Variants in SEC14L5 observed in about 807,000 individuals in gnomAD.
The protein encoded by SEC14L5 is SEC14-like protein 5.
Under a neutral mutation model 84.6 loss-of-function variants are expected in SEC14L5, and 96 were observed. The ratio of observed to expected loss-of-function variants is 1.13; its 90% CI spans 0.96 to 1.34. The LOEUF (loss-of-function observed/expected upper bound fraction) is 1.34. Ranked by LOEUF, SEC14L5 falls within the 40% of genes most tolerant of loss-of-function variation. The probability of loss-of-function intolerance (pLI) is 0.00; values close to 1 mark genes in which losing one functional copy is unlikely to be tolerated. For missense variants in SEC14L5, 1,224 were observed against 942.5 expected, an observed-to-expected ratio of 1.30 and a Z score of -3.91; for synonymous variants, 546 against 383.4, an observed-to-expected ratio of 1.42 and a Z score of -4.95.
In SEC14L5 at chr16:5,017,646, C is replaced by T. The variant is rs1322221662; in HGVS notation, c.*2676C>T. ...ACTAGGGTCCCGTGATTGACATTCC[C>T]TGCAGAAGCCGCAGCAGGATTGGGG... On this transcript the variant is annotated 3_prime_UTR_variant, in exon 16 of 16. Transcript: ENST00000251170. 2 of 152,228 alleles carry T rather than the reference C, an allele frequency of 1.3e-5. No individual in the cohort carries two copies. The highest frequency in any genetic ancestry group is 2.4e-5 in the African/African-American group (1 of 41,450). The allele number at this position is 152,228 out of a possible 1,614,324, so 9.4% of individuals were successfully genotyped here.
intron 2 of SEC14L5, among the ~76,000 whole-genome samples, chr16:4,974,330 T>C (rs1023302559): frequency 6.6e-6 from 1 of 151,934 alleles, no homozygotes; most frequent in Non-Finnish European, 1.5e-5. Context: ...GCCTCCCGAG[T>C]AGCTGGGACC....
At chr16:4,971,754 T>G (rs77167519) in intron 2 of SEC14L5, among the ~76,000 whole-genome samples, 3 of 152,160 alleles carry the variant, frequency 2.0e-5, no homozygotes, top group African/African-American at 7.2e-5. Flanking sequence ...CCCAGGGATA[T>G]ATAGAAAGAT....
At chr16:5,002,376 A>G (rs1453587531) in intron 10 of SEC14L5, among the ~76,000 whole-genome samples, 2 of 145,910 alleles carry the variant, frequency 1.4e-5, no homozygotes, top group Non-Finnish European at 3.0e-5. Flanking sequence ...GGCTCACTCC[A>G]ACCTCCACCT....
chr16:4,991,990 T>G lies in SEC14L5; in HGVS notation c.627T>G (p.Arg209=), dbSNP rs373345210. ...DPSSLEAHGP[R]STLGPALEAV... is the part of the protein sequence containing the mutation. ...GCTCCCTGGAGGCCCACGGGCCCCG[T>G]AGCACCCTGGGGCCCGCTCTGGAGG... The change falls in exon 6 of 16, where the codon CGT becomes CGG. Residue 209 remains arginine (R), a synonymous_variant. Coordinates refer to ENST00000251170, the MANE Select transcript of SEC14L5 (RefSeq NM_014692.2). 8.5e-5 allele frequency: 135 copies of G among 1,584,340 alleles called. No individual in the cohort carries two copies. In the African/African-American group the frequency reaches 1.7e-3, roughly 20 times the overall value.
At chr16:5,001,198 C>T (rs968965208) in intron 10 of SEC14L5, among the ~76,000 whole-genome samples, 1 of 150,702 alleles carries the variant, frequency 6.6e-6, no homozygotes. Context: ...TGTCTGGCTT[C>T]TAGCTCGAAG....
At chr16:4,979,521 G>C (rs1314128595) in intron 2 of SEC14L5, among the ~76,000 whole-genome samples, 1 of 152,146 alleles carries the variant, frequency 6.6e-6, no homozygotes, top group East Asian at 1.9e-4. Context: ...GTTAGGCTTG[G>C]GCAGCTGAAA....
chr16:5,005,685 C>T (rs1955722527), intron 11 of SEC14L5, among the ~76,000 whole-genome samples: 1 of 151,242 alleles, frequency 6.6e-6, no homozygotes, highest in East Asian at 2.0e-4. Flanking sequence ...CATGGTGAAA[C>T]CCCGTCTGTA....
At chr16:5,003,713 G>C (rs1955702131) in intron 11 of SEC14L5, 140 bp downstream of exon 11, 2 of 619,694 alleles carry the variant, frequency 3.2e-6, no homozygotes, top group African/African-American at 1.8e-5. Flanking sequence ...ATAGCATAAA[G>C]CTCACACTTT....
At chr16:4,984,053 C>T (rs192166528) in intron 2 of SEC14L5, among the ~76,000 whole-genome samples, 92 of 152,230 alleles carry the variant, frequency 6.0e-4, no homozygotes, top group Non-Finnish European at 1.0e-3. Flanking sequence ...CATTCATTTA[C>T]AGCACATAAT....
At position 4,991,992 on chromosome 16, in the gene SEC14L5, G is replaced by A. The variant is rs759214147; in HGVS notation, c.629G>A (p.Ser210Asn). 5.7e-6 allele frequency: 9 copies of A among 1,582,590 alleles called. No individual in the cohort carries two copies. The highest frequency in any genetic ancestry group is 7.7e-6 in the Non-Finnish European group (9 of 1,169,974). The change falls in exon 6 of 16, where the codon AGC (serine) becomes AAC (asparagine). Residue 210 changes from serine (S) to asparagine (N), a missense_variant. Transcript: ENST00000251170. ...TCCCTGGAGGCCCACGGGCCCCGTA[G>A]CACCCTGGGGCCCGCTCTGGAGGCG... Reference protein sequence around the residue: ...PSSLEAHGPRSTLGPALEAVS... With the variant: ...PSSLEAHGPRNTLGPALEAVS...
chr16:5,003,371 C>G, intron 10 of SEC14L5, 31 bp from the exon 11 acceptor site: 1 of 1,592,978 alleles, frequency 6.3e-7, no homozygotes, highest in South Asian at 1.1e-5. Context: ...GGCAGCAGAG[C>G]CAGGTGGAGC....
At chr16:4,989,471 C>T (rs1041928962) in intron 4 of SEC14L5, among the ~76,000 whole-genome samples, 5 of 152,056 alleles carry the variant, frequency 3.3e-5, no homozygotes, top group African/African-American at 4.8e-5. Flanking sequence ...CTCAGATTCC[C>T]GTGTAGGTGG....
intron 2 of SEC14L5, among the ~76,000 whole-genome samples, chr16:4,977,461 A>AGG (rs1955358254): frequency 7.6e-5 from 2 of 26,232 alleles, no homozygotes; most frequent in African/African-American, 1.1e-4. Flanking sequence ...AAAAAAAAAA[A>AGG]AAAAAAAAGG....
rs1955873350 is a variant in SEC14L5, at chr16:5,016,170, C to A, written c.*1200C>A. On this transcript the variant is annotated 3_prime_UTR_variant, in exon 16 of 16. Coordinates refer to ENST00000251170, the MANE Select transcript of SEC14L5 (RefSeq NM_014692.2). Reference sequence around the variant, plus strand: ...CGCGAGTGGAGGCTGCTGTGTTTGCCCTGGGGCAGATATGACTCTGGAACT... The same window carrying A: ...CGCGAGTGGAGGCTGCTGTGTTTGCACTGGGGCAGATATGACTCTGGAACT... 2 of 152,148 alleles carry A rather than the reference C, an allele frequency of 1.3e-5. No individual in the cohort carries two copies. Among genetic ancestry groups the A allele is most frequent in the Non-Finnish European group, 2.9e-5 (2 of 68,044 alleles). 9.4% of individuals were successfully genotyped at this position (152,148 alleles called of 1,614,324 possible). A position where few individuals can be genotyped will look rare whatever the true frequency, so the allele number is the denominator to read the frequency against.
At chr16:4,958,967 T>C (rs1270199023) in intron 1 of SEC14L5, among the ~76,000 whole-genome samples, 2 of 149,924 alleles carry the variant, frequency 1.3e-5, no homozygotes, top group Non-Finnish European at 3.0e-5. Flanking sequence ...GAATTGCAAA[T>C]GTGTGTGTGT....
intron 4 of SEC14L5, among the ~76,000 whole-genome samples, 171 bp from the exon 5 acceptor site, chr16:4,990,596 A>G (rs994946022): frequency 1.3e-5 from 2 of 152,124 alleles, no homozygotes; most frequent in East Asian, 3.9e-4. Context: ...TGAACTTTGC[A>G]TCGTTCTCTG....
At chr16:4,969,187 C>A (rs1337352282) in intron 2 of SEC14L5, among the ~76,000 whole-genome samples, 1 of 152,254 alleles carries the variant, frequency 6.6e-6, no homozygotes, top group African/African-American at 2.4e-5. Context: ...TAGTTGTCTT[C>A]TGATTTCCGA....
chr16:4,985,512 G>C (rs1186137403), intron 2 of SEC14L5, among the ~76,000 whole-genome samples: 2 of 152,206 alleles, frequency 1.3e-5, no homozygotes, highest in Non-Finnish European at 2.9e-5. Flanking sequence ...AGAAGCGTGA[G>C]CCACCGCGCC....
chr16:4,976,910 G>A (rs564510529), intron 2 of SEC14L5, among the ~76,000 whole-genome samples: 62 of 152,304 alleles, frequency 4.1e-4, no homozygotes, highest in African/African-American at 1.5e-3. Context: ...ACAGGAGCCG[G>A]CAGCTGAGGC....
Sources: gnomAD v4.1 joint callset for allele counts (sites outside exome capture counted in the v4.1 genomes callset) on GRCh38, gnomAD v4.1.1 for gene constraint, MANE v1.5 for transcripts, NCBI Gene and HGNC (gene_info 2026-07-23, HGNC 2026-07-21) for gene names.